PIWIL2: variants seen among roughly 807,000 people sequenced by gnomAD.
PIWIL2 encodes piwi-like protein 2.
Under a neutral mutation model 116.5 loss-of-function variants are expected in PIWIL2, and 81 were observed. That is an observed-to-expected ratio of 0.70 (90% CI 0.58 to 0.84). The LOEUF (loss-of-function observed/expected upper bound fraction) is 0.84, where lower values mean the gene tolerates loss of function less well. PIWIL2 is among the 40% of genes least tolerant of loss of function. The pLI, the probability that PIWIL2 is intolerant of heterozygous loss-of-function variation, is 0.00. For missense variants in PIWIL2, 1,272 were observed against 1,212.3 expected (o/e 1.05, Z -0.73); for synonymous variants, 489 against 429.5 (o/e 1.14, Z -1.71).
rs1293856102 is a variant in PIWIL2 at position 22,354,409 on chromosome 8, T to TTC, written c.2765+33_2765+34dup. 5.7e-6 allele frequency: 8 copies of TTC among 1,395,906 alleles called. No individual in the cohort carries two copies. The Admixed American group carries it at 1.0e-4, about 18-fold the overall frequency. The allele number at this position is 1,395,906 out of a possible 1,614,324, so 86.5% of individuals were successfully genotyped here. On this transcript the variant is annotated intron_variant, in intron 22 of 22. Transcript: ENST00000356766. ...CCCATCAGTAACTTACTCTTTCTCT[T>TTC]TCTTAAATAATTCTGGCCTGCTAGC...
intron 21 of PIWIL2, 64 bp from the exon 22 acceptor site, chr8:22,354,207 G>A: frequency 1.9e-6 from 2 of 1,065,660 alleles, no homozygotes; most frequent in Non-Finnish European, 2.9e-6. Flanking sequence ...CGATCTCCAG[G>A]ATCTTTGCCA....
chr8:22,311,068 T>C (rs781204647), intron 15 of PIWIL2, 44 bp from the exon 16 acceptor site: 2 of 1,473,764 alleles, frequency 1.4e-6, no homozygotes, highest in Non-Finnish European at 1.9e-6. Context: ...GAGTTTGGGA[T>C]ATTTAAATTG....
intron 10 of PIWIL2, among the ~76,000 whole-genome samples, chr8:22,296,299 T>A (rs1830905468): frequency 6.6e-6 from 1 of 151,952 alleles, no homozygotes; most frequent in Non-Finnish European, 1.5e-5. Flanking sequence ...CCTGCCTCAG[T>A]CTCCCAAAGT....
intron 15 of PIWIL2, among the ~76,000 whole-genome samples, 156 bp from the exon 16 acceptor site, chr8:22,310,956 T>A (rs998075790): frequency 6.6e-6 from 1 of 152,222 alleles, no homozygotes; most frequent in East Asian, 1.9e-4. Flanking sequence ...CGCCACAGTT[T>A]TCTTATCATG....
chr8:22,311,279 T>C lies in PIWIL2; in HGVS notation c.1968T>C (p.Ile656=). The change falls in exon 16 of 23, where the codon ATT becomes ATC. Residue 656 remains isoleucine (I), a synonymous_variant. Transcript: ENST00000356766. ...GAATAGAGACTTATGTCAGAACCAT[T>C]CAATCCACGTTAGGAGCTGAGGTAA... is the stretch of plus-strand genomic sequence containing the variant. ...DDRIETYVRT[I]QSTLGAEGKI... 6.2e-7 allele frequency: 1 copy of C among 1,611,482 alleles called. No homozygotes were observed. Among genetic ancestry groups the C allele is most frequent in the African/African-American group, 1.3e-5 (1 of 74,940 alleles).
At chr8:22,351,559 A>G (rs1832363927) in intron 20 of PIWIL2, among the ~76,000 whole-genome samples, 1 of 143,970 alleles carries the variant, frequency 6.9e-6, no homozygotes, top group African/African-American at 2.6e-5. Flanking sequence ...TTGTTTTGAG[A>G]CGGAGTCTCA....
At chr8:22,285,831 G>T (rs750833271) in intron 6 of PIWIL2, among the ~76,000 whole-genome samples, 1 of 152,004 alleles carries the variant, frequency 6.6e-6, no homozygotes, top group Non-Finnish European at 1.5e-5. Flanking sequence ...TTTTAGTAGA[G>T]TCGGGGTTTT....
intron 10 of PIWIL2, among the ~76,000 whole-genome samples, chr8:22,294,026 C>T (rs1451878593): frequency 6.6e-6 from 1 of 152,090 alleles, no homozygotes; most frequent in African/African-American, 2.4e-5. Context: ...TATGGCATGT[C>T]TTTCCATTTA....
intron 20 of PIWIL2, among the ~76,000 whole-genome samples, chr8:22,337,951 G>C (rs1206159062): frequency 6.6e-6 from 1 of 151,960 alleles, no homozygotes; most frequent in Non-Finnish European, 1.5e-5. Flanking sequence ...AGTATTAGCA[G>C]GGTGTGGTGG....
chr8:22,316,316 C>T lies in PIWIL2; in HGVS notation c.2280C>T (p.Phe760=), dbSNP rs746837231. The change falls in exon 19 of 23, where the codon TTC becomes TTT. Residue 760 remains phenylalanine (F), a synonymous_variant. Transcript: ENST00000356766. ...GAGGCATGCGCTCCGTGGTTGGCTT[C>T]GTGGCAAGCATCAATCTGTAAGTAC... ...PSRGMRSVVG[F]VASINLTLTK... 43 of 1,608,306 alleles carry T rather than the reference C, an allele frequency of 2.7e-5. No homozygotes were observed. Among genetic ancestry groups the T allele is most frequent in the Middle Eastern group, 3.3e-4 (2 of 6,076 alleles).
At chr8:22,323,056 G>A (rs1831640020) in intron 20 of PIWIL2, among the ~76,000 whole-genome samples, 1 of 151,144 alleles carries the variant, frequency 6.6e-6, no homozygotes, top group South Asian at 2.1e-4. Context: ...TGGGACCACA[G>A]GCACACACCA....
At position 22,308,118 on chromosome 8, in the gene PIWIL2, G is replaced by A. The variant is rs138390653; in HGVS notation, c.1686+45G>A. ...GGTGTATGCACATGTACAGAGACAC[G>A]TGTGCAATATTTATGTGACTTTCCT... On this transcript the variant is annotated intron_variant, in intron 14 of 22. Transcript: ENST00000356766. The A allele has an allele frequency of 1.5e-4, 224 of 1,485,904 alleles. 1 individual carries two copies. The East Asian group carries it at 4.4e-3, about 29-fold the overall frequency. The allele number at this position is 1,485,904 out of a possible 1,614,324, so 92.0% of individuals were successfully genotyped here.
chr8:22,302,045 A>G (rs1373505716), intron 10 of PIWIL2, among the ~76,000 whole-genome samples: 1 of 152,030 alleles, frequency 6.6e-6, no homozygotes, highest in East Asian at 1.9e-4. Context: ...TCAGTTCAAG[A>G]TATTTTCTCA....
At chr8:22,283,867 A>G (rs1830570424) in intron 5 of PIWIL2, among the ~76,000 whole-genome samples, 1 of 152,208 alleles carries the variant, frequency 6.6e-6, no homozygotes, top group African/African-American at 2.4e-5. Context: ...GTGACGCTTC[A>G]TCTTTCTCCA....
At chr8:22,354,471 C>A in intron 22 of PIWIL2, 93 bp downstream of exon 22, 1 of 688,788 alleles carries the variant, frequency 1.5e-6, no homozygotes, top group South Asian at 1.9e-5. Context: ...AATATATTTA[C>A]CTCTTGACTT....
intron 10 of PIWIL2, among the ~76,000 whole-genome samples, chr8:22,298,073 A>G (rs1352241427): frequency 1.3e-5 from 2 of 152,134 alleles, no homozygotes; most frequent in Non-Finnish European, 1.5e-5. Context: ...CCTGGGCAAC[A>G]TGGCAAAATC....
At chr8:22,348,751 G>A (rs1436176952) in intron 20 of PIWIL2, among the ~76,000 whole-genome samples, 1 of 152,150 alleles carries the variant, frequency 6.6e-6, no homozygotes, top group East Asian at 1.9e-4. Flanking sequence ...TGTCTCAAAA[G>A]AAAGAAAAAC....
chr8:22,300,484 G>A (rs1831019962), intron 10 of PIWIL2, among the ~76,000 whole-genome samples: 1 of 152,182 alleles, frequency 6.6e-6, no homozygotes, highest in African/African-American at 2.4e-5. Context: ...ACAAGTCTTT[G>A]TGTGGACTTA....
At chr8:22,333,986 T>G (rs540396305) in intron 20 of PIWIL2, among the ~76,000 whole-genome samples, 33 of 151,244 alleles carry the variant, frequency 2.2e-4, no homozygotes, top group African/African-American at 8.0e-4. Flanking sequence ...TTTTTTTTTT[T>G]GGAGACAGTT....
Sources: gnomAD v4.1 joint callset for allele counts (sites outside exome capture counted in the v4.1 genomes callset) on GRCh38, gnomAD v4.1.1 for gene constraint, MANE v1.5 for transcripts, NCBI Gene and HGNC (gene_info 2026-07-23, HGNC 2026-07-21) for gene names.